The following ZBTB46 variants were observed in gnomAD, a reference collection of about 807,000 sequenced individuals.
The protein encoded by ZBTB46 is zinc finger and BTB domain-containing protein 46.
A neutral mutation model predicts 44.1 loss-of-function variants in ZBTB46; 8 were observed. That is an observed-to-expected ratio of 0.18 (90% CI 0.11 to 0.33). ZBTB46 has a LOEUF of 0.33. Among genes scored for constraint, ZBTB46 ranks in the 10% least tolerant of loss-of-function variants. ZBTB46 has a pLI of 1.00. For synonymous variants in ZBTB46, 409 were observed against 382.3 expected (o/e 1.07, Z -0.81); for missense variants, 651 against 847.7 (o/e 0.77, Z 2.88).
intron 1 of ZBTB46, among the ~76,000 whole-genome samples, chr20:63,805,837 C>A (rs1009704459): frequency 6.6e-6 from 1 of 152,016 alleles, no homozygotes; most frequent in East Asian, 2.0e-4. Flanking sequence ...CTCACTGAAG[C>A]CTTCGGCTCA....
At chr20:63,773,632 C>T (rs73916646) in intron 3 of ZBTB46, among the ~76,000 whole-genome samples, 3,434 of 151,902 alleles carry the variant, frequency 0.023, 117 homozygotes, top group African/African-American at 0.077. Context: ...GATCCCCCTC[C>T]GACGGCACCC....
intron 2 of ZBTB46, 76 bp from the exon 3 acceptor site, chr20:63,776,038 G>GA: frequency 6.8e-7 from 1 of 1,467,472 alleles, no homozygotes; most frequent in Non-Finnish European, 9.0e-7. Context: ...GACACATTTA[G>GA]AAGGACAGCG....
chr20:63,778,159 A>C (rs1223432120), intron 2 of ZBTB46, among the ~76,000 whole-genome samples: 1 of 152,160 alleles, frequency 6.6e-6, no homozygotes, highest in Non-Finnish European at 1.5e-5. Flanking sequence ...TGAACTGCAG[A>C]CTTTAAATGG....
intron 1 of ZBTB46, among the ~76,000 whole-genome samples, chr20:63,817,819 A>G (rs1484571270): frequency 6.6e-6 from 1 of 152,130 alleles, no homozygotes; most frequent in Non-Finnish European, 1.5e-5. Context: ...CGAGGCGTCT[A>G]TAAGCCAAGA....
chr20:63,761,934 A>C (rs1353188612), intron 3 of ZBTB46, among the ~76,000 whole-genome samples: 2 of 152,196 alleles, frequency 1.3e-5, no homozygotes, highest in African/African-American at 4.8e-5. Context: ...AGGTCAGAGA[A>C]TATACTCTCT....
chr20:63,799,352 C>CT (rs61056676), intron 1 of ZBTB46, among the ~76,000 whole-genome samples: 34,295 of 145,208 alleles, frequency 0.24, 4,001 homozygotes, highest in Middle Eastern at 0.36. Context: ...GTGAGACTAA[C>CT]TTTTTTTTTT....
intron 2 of ZBTB46, among the ~76,000 whole-genome samples, chr20:63,778,990 G>A (rs549025704): frequency 1.3e-5 from 2 of 152,256 alleles, no homozygotes; most frequent in East Asian, 3.9e-4. Context: ...TGCAGATGGC[G>A]GCAGGTGAGC....
intron 1 of ZBTB46, among the ~76,000 whole-genome samples, chr20:63,829,213 C>T (rs889502356): frequency 4.6e-5 from 7 of 152,146 alleles, no homozygotes; most frequent in Non-Finnish European, 1.0e-4. Context: ...ACCTGGGGGC[C>T]CTTAGGTAAC....
At chr20:63,772,620 G>A (rs2092384016) in intron 3 of ZBTB46, among the ~76,000 whole-genome samples, 1 of 152,140 alleles carries the variant, frequency 6.6e-6, no homozygotes, top group Non-Finnish European at 1.5e-5. Context: ...TTGGGAGGCT[G>A]AGGCAGGAGA....
At position 63,747,249 on chromosome 20, in the gene ZBTB46, A is replaced by G; in HGVS notation, c.1451T>C (p.Met484Thr). ...CCTGATGCCCACGCTGGCGGCGGAC[A>G]TGAAGACGCGGCTGCACACCTTGCA... ...YVCKVCSRVFMSAASVGIRHG... is the reference protein window; with the variant it reads ...YVCKVCSRVFTSAASVGIRHG... The change falls in exon 5 of 5, where the codon ATG becomes ACG. Residue 484 changes from methionine (M) to threonine (T), a missense_variant. Physicochemically the swap from Met to Thr is moderately conservative, Grantham distance 81 (BLOSUM62 -1). Transcript: ENST00000245663. 1 of 1,569,608 alleles carries G rather than the reference A, an allele frequency of 6.4e-7. No homozygotes were observed. The highest frequency in any genetic ancestry group is 8.6e-7 in the Non-Finnish European group (1 of 1,159,588).
intron 1 of ZBTB46, among the ~76,000 whole-genome samples, chr20:63,794,088 A>AG (rs2092582421): frequency 6.6e-6 from 1 of 151,622 alleles, no homozygotes; most frequent in Non-Finnish European, 1.5e-5. Flanking sequence ...CAGGAGGCTG[A>AG]GGCAGGAGAA....
In ZBTB46 at chr20:63,790,241, G is replaced by A. The variant is rs748478138; in HGVS notation, c.517C>T (p.Arg173Trp). Residue 173 changes from arginine (R) to tryptophan (W), a missense_variant, in exon 2 of 5, where the codon CGG (arginine) becomes TGG (tryptophan). Arg to Trp is a moderately radical substitution (Grantham distance 101). Coordinates refer to ENST00000245663, the MANE Select transcript of ZBTB46 (RefSeq NM_001369741.1). ...GAAGAATTGGCAGGACTCGTTCGCC[G>A]TGCCAGCCACGGGGAGATGCTCCTC... ...AGRSISPWLA[R>W]RTSPANSSGD... 3.4e-5 allele frequency: 54 copies of A among 1,610,808 alleles called. No individual in the cohort carries two copies. The highest frequency in any genetic ancestry group is 4.1e-5 in the Non-Finnish European group (48 of 1,178,944).
upstream of ZBTB46, among the ~76,000 whole-genome samples, chr20:63,832,122 G>GCGGCCCGGGCCTCGCCC (rs2092855352): frequency 6.6e-6 from 1 of 151,882 alleles, no homozygotes; most frequent in Non-Finnish European, 1.5e-5. This position sits in a 1 kb window ranked among gnomAD's most constrained non-coding sequence, Gnocchi z 5.0. Context: ...GCGGGAACCA[G>GCGGCCCGGGCCTCGCCC]CGGCCCGGGC....
chr20:63,790,716 G>A lies in ZBTB46; in HGVS notation c.42C>T (p.Tyr14=). The A allele has an allele frequency of 6.2e-7, 1 of 1,610,192 alleles. No individual in the cohort carries two copies. The highest frequency in any genetic ancestry group is 1.1e-5 in the South Asian group (1 of 91,046). ...RKEDMEITSH[Y]RHLLRELNEQ... ...CGTTGAGCTCCCGCAGCAGGTGCCG[G>A]TAGTGGGACGTGATTTCCATATCTT... The change falls in exon 2 of 5, where the codon TAC becomes TAT. Residue 14 remains tyrosine, a synonymous_variant. Transcript: ENST00000245663.
chr20:63,806,632 G>A (rs991772384), intron 1 of ZBTB46, among the ~76,000 whole-genome samples: 7 of 152,138 alleles, frequency 4.6e-5, no homozygotes, highest in African/African-American at 1.7e-4. Flanking sequence ...TTTTTGAGAT[G>A]GAATCTGGCT....
chr20:63,780,355 A>G (rs537855012), intron 2 of ZBTB46, among the ~76,000 whole-genome samples: 6 of 152,202 alleles, frequency 3.9e-5, no homozygotes, highest in Non-Finnish European at 8.8e-5. Context: ...GATAAAAGAC[A>G]GGTTTCTTAG....
intron 3 of ZBTB46, among the ~76,000 whole-genome samples, 153 bp from the exon 4 acceptor site, chr20:63,753,014 G>C (rs1030775182): frequency 6.6e-6 from 1 of 152,212 alleles, no homozygotes; most frequent in South Asian, 2.1e-4. Flanking sequence ...GACAGGCCAG[G>C]CTCCCCCACC....
At chr20:63,782,011 G>A (rs570888561) in intron 2 of ZBTB46, among the ~76,000 whole-genome samples, 4 of 150,330 alleles carry the variant, frequency 2.7e-5, no homozygotes, top group East Asian at 3.9e-4. Context: ...GGCATGAACC[G>A]GGGAGGCGGA....
chr20:63,828,760 G>A (rs973273590), intron 1 of ZBTB46, among the ~76,000 whole-genome samples: 1 of 152,258 alleles, frequency 6.6e-6, no homozygotes, highest in Admixed American at 6.5e-5. Flanking sequence ...CAGCAGTGGA[G>A]CGGGTGCCTG....
Sources: gnomAD v4.1 joint callset for allele counts (sites outside exome capture counted in the v4.1 genomes callset) on GRCh38, gnomAD v4.1.1 for gene constraint, Gnocchi (gnomAD v3.1) non-coding constraint, MANE v1.5 for transcripts, NCBI Gene and HGNC (gene_info 2026-07-23, HGNC 2026-07-21) for gene names.